ANO4: variants seen among roughly 807,000 people sequenced by gnomAD.
ANO4 encodes anoctamin-4.
Under a neutral mutation model 141.9 loss-of-function variants are expected in ANO4, and 69 were observed. The ratio of observed to expected loss-of-function variants is 0.49; its 90% CI spans 0.40 to 0.59. The LOEUF is 0.59. ANO4 is among the 20% of genes least tolerant of loss of function. ANO4 has a pLI of 0.00. For synonymous variants in ANO4, 350 were observed against 394.3 expected, an observed-to-expected ratio of 0.89 and a Z score of 1.33; for missense variants, 894 against 1,162.2, an observed-to-expected ratio of 0.77 and a Z score of 3.36.
intron 1 of ANO4, among the ~76,000 whole-genome samples, chr12:100,836,006 G>A (rs1184004758): frequency 6.6e-6 from 1 of 152,130 alleles, no homozygotes; most frequent in Non-Finnish European, 1.5e-5. Flanking sequence ...GTGCCTGAAG[G>A]CCCTATTCAT....
intron 1 of ANO4, among the ~76,000 whole-genome samples, chr12:100,864,353 A>C (rs1057320521): frequency 6.6e-6 from 1 of 152,216 alleles, no homozygotes; most frequent in Non-Finnish European, 1.5e-5. Context: ...AAGAAAAATT[A>C]AGATTGCTGT....
At chr12:100,783,223 G>A (rs893380234) in intron 3 of ANO4, among the ~76,000 whole-genome samples, 1 of 152,144 alleles carries the variant, frequency 6.6e-6, no homozygotes. Context: ...AGACTGCAGT[G>A]GGGGCACTTC....
intron 5 of ANO4, among the ~76,000 whole-genome samples, chr12:100,966,902 C>CACACAT (rs2043693230): frequency 6.7e-6 from 1 of 150,330 alleles, no homozygotes; most frequent in African/African-American, 2.4e-5. Flanking sequence ...CACACACACA[C>CACACAT]ACATACATAT....
chr12:101,044,996 AAT>A (rs1491107737), intron 13 of ANO4, among the ~76,000 whole-genome samples: 199 of 99,406 alleles, frequency 2.0e-3, no homozygotes, highest in African/African-American at 6.7e-3. Flanking sequence ...ATCAGAAGCC[AAT>A]TTTTTTTTTT....
chr12:101,080,999 AT>A (rs1475884837), intron 15 of ANO4, among the ~76,000 whole-genome samples: 21 of 131,888 alleles, frequency 1.6e-4, no homozygotes, highest in Admixed American at 5.1e-4. Context: ...TAGAAAAAAA[AT>A]ATACATATAT....
At chr12:100,830,889 T>C (rs2036596922) in intron 1 of ANO4, among the ~76,000 whole-genome samples, 1 of 151,544 alleles carries the variant, frequency 6.6e-6, no homozygotes, top group Non-Finnish European at 1.5e-5. Context: ...TTTTAAGTTA[T>C]TTTTTTCACT....
intron 7 of ANO4, among the ~76,000 whole-genome samples, chr12:100,982,048 A>T (rs1409126004): frequency 6.6e-6 from 1 of 152,176 alleles, no homozygotes; most frequent in Non-Finnish European, 1.5e-5. Context: ...CTCACCTATC[A>T]TGAATCAGCA....
At chr12:101,086,080 C>CTGGG (rs2049482135) in intron 16 of ANO4, among the ~76,000 whole-genome samples, 1 of 131,736 alleles carries the variant, frequency 7.6e-6, no homozygotes, top group Non-Finnish European at 1.6e-5. Flanking sequence ...GTTAACTAGG[C>CTGGG]TGTGTGTGTG....
At chr12:101,071,906 A>G (rs751858105) in intron 14 of ANO4, among the ~76,000 whole-genome samples, 3 of 152,214 alleles carry the variant, frequency 2.0e-5, no homozygotes, top group African/African-American at 7.2e-5. Context: ...AACCTAAGCT[A>G]TGCATCTGAA....
At chr12:100,737,900 G>A (rs1381810640) in intron 2 of ANO4, among the ~76,000 whole-genome samples, 1 of 152,132 alleles carries the variant, frequency 6.6e-6, no homozygotes, top group East Asian at 1.9e-4. Context: ...AATAGCATAT[G>A]TGTGGATTTC....
rs926977474 is a variant in ANO4 at position 101,126,857 on chromosome 12, G to A, written c.2677-22G>A. The A allele has an allele frequency of 2.5e-6, 4 of 1,574,008 alleles. No individual in the cohort carries two copies. In the Admixed American group the frequency reaches 7.0e-5, roughly 28 times the overall value. On this transcript the variant is annotated intron_variant, in intron 26 of 27. Coordinates refer to ENST00000392977, the MANE Select transcript of ANO4 (RefSeq NM_001286615.2). ...CAGGATGCACAGTAGACCTGACGCTGTTACATTCTCCTCTGTTTTAGCACC... is the reference window on the plus strand; with the variant it reads ...CAGGATGCACAGTAGACCTGACGCTATTACATTCTCCTCTGTTTTAGCACC...
At chr12:101,003,675 C>T (rs1327296055) in intron 8 of ANO4, among the ~76,000 whole-genome samples, 4 of 151,986 alleles carry the variant, frequency 2.6e-5, no homozygotes, top group Non-Finnish European at 5.9e-5. Flanking sequence ...CACGTAATTG[C>T]ACATATTTAT....
At chr12:100,803,888 T>G (rs925829076) in intron 1 of ANO4, among the ~76,000 whole-genome samples, 8 of 152,196 alleles carry the variant, frequency 5.3e-5, no homozygotes, top group Non-Finnish European at 1.2e-4. Flanking sequence ...CTCTCTGGTG[T>G]TAGTGGTTTA....
intron 5 of ANO4, among the ~76,000 whole-genome samples, chr12:100,963,609 A>T (rs1453468634): frequency 6.6e-6 from 1 of 152,160 alleles, no homozygotes; most frequent in Non-Finnish European, 1.5e-5. Context: ...CCTAAGGGAA[A>T]AGAATAACAG....
chr12:100,994,801 C>T lies in ANO4; in HGVS notation c.734+7131C>T, dbSNP rs865805221. Reference sequence around the variant, plus strand: ...AACAGTAAACAGAAAGGCAAAAATTCCTGCCCTCCTGGAGCTTACATTGTA... The same window carrying T: ...AACAGTAAACAGAAAGGCAAAAATTTCTGCCCTCCTGGAGCTTACATTGTA... On this transcript the variant is annotated intron_variant, in intron 8 of 27. Coordinates refer to ENST00000392977, the MANE Select transcript of ANO4 (RefSeq NM_001286615.2). Among the ~76,000 whole-genome samples the T allele has an allele frequency of 2.6e-5, 4 of 152,282 alleles. No homozygotes were observed. In the South Asian group the frequency reaches 6.2e-4, roughly 24 times the overall value.
chr12:101,066,165 G>A (rs2048575515), intron 14 of ANO4, among the ~76,000 whole-genome samples: 2 of 152,182 alleles, frequency 1.3e-5, no homozygotes, highest in African/African-American at 4.8e-5. Context: ...CATACTGAGT[G>A]GGGAAAAGTG....
intron 18 of ANO4, among the ~76,000 whole-genome samples, chr12:101,096,324 T>C (rs2049980353): frequency 6.6e-6 from 1 of 152,146 alleles, no homozygotes; most frequent in Admixed American, 6.5e-5. Flanking sequence ...CCATAGCCAC[T>C]TCTCATGAGA....
intron 3 of ANO4, among the ~76,000 whole-genome samples, chr12:100,934,527 G>A (rs968299831): frequency 6.6e-6 from 1 of 152,124 alleles, no homozygotes; most frequent in African/African-American, 2.4e-5. Context: ...GTAGCATGAT[G>A]CCTTCAGTTT....
At chr12:101,123,504 T>G (rs1178735182) in intron 26 of ANO4, among the ~76,000 whole-genome samples, 1 of 148,814 alleles carries the variant, frequency 6.7e-6, no homozygotes, top group Non-Finnish European at 1.5e-5. Context: ...CTTTGTGTGT[T>G]GTTTCCCACC....
Sources: allele counts gnomAD v4.1 joint callset (sites outside exome capture counted in the v4.1 genomes callset), GRCh38; gene constraint gnomAD v4.1.1; transcripts MANE v1.5; gene names NCBI Gene and HGNC (gene_info 2026-07-23, HGNC 2026-07-21).